CFI: variants seen among roughly 807,000 people sequenced by gnomAD.
The protein encoded by CFI is C3B/C4B inactivator.
CFI carries 66 observed loss-of-function variants against 78.8 expected under a neutral mutation model. That is an observed-to-expected ratio of 0.84 (90% CI 0.69 to 1.03). The LOEUF (loss-of-function observed/expected upper bound fraction) is 1.03, where lower values mean the gene tolerates loss of function less well. Among genes scored for constraint, CFI ranks in the 50% least tolerant of loss-of-function variants. The pLI, the probability that CFI is intolerant of heterozygous loss-of-function variation, is 0.00. For synonymous variants in CFI, 250 were observed against 232.6 expected, an observed-to-expected ratio of 1.07 and a Z score of -0.68; for missense variants, 706 against 704.5, an observed-to-expected ratio of 1.00 and a Z score of -0.02.
intron 1 of CFI, among the ~76,000 whole-genome samples, chr4:109,792,072 T>G (rs1203955869): frequency 1.3e-5 from 2 of 152,168 alleles, no homozygotes; most frequent in Non-Finnish European, 2.9e-5. Flanking sequence ...TTAAGACTCA[T>G]TTTGTGACAA....
chr4:109,778,226 A>G (rs1464081459), intron 1 of CFI, among the ~76,000 whole-genome samples: 2 of 152,108 alleles, frequency 1.3e-5, no homozygotes, highest in East Asian at 3.8e-4. Context: ...CAAAATTGCT[A>G]GACTGCTAGC....
chr4:109,750,169 G>GT (rs1218819422), intron 8 of CFI, among the ~76,000 whole-genome samples: 5 of 151,630 alleles, frequency 3.3e-5, no homozygotes, highest in East Asian at 3.9e-4. Context: ...GCTAATTTTT[G>GT]TTTTTTTAGT....
chr4:109,744,677 C>A (rs766836938), intron 11 of CFI, among the ~76,000 whole-genome samples: 1 of 152,124 alleles, frequency 6.6e-6, no homozygotes, highest in Non-Finnish European at 1.5e-5. Context: ...TGGGTACCTG[C>A]GTAGCCCCTG....
intron 7 of CFI, among the ~76,000 whole-genome samples, chr4:109,752,835 C>T (rs542635854): frequency 2.1e-5 from 3 of 140,794 alleles, no homozygotes; most frequent in Non-Finnish European, 4.5e-5. Context: ...GCTTCTATTT[C>T]AACTCTCTGC....
intron 1 of CFI, among the ~76,000 whole-genome samples, chr4:109,775,141 C>G (rs1481051141): frequency 6.6e-6 from 1 of 152,088 alleles, no homozygotes; most frequent in East Asian, 1.9e-4. Flanking sequence ...ACTAAGGTAC[C>G]AAGTTCATCT....
chr4:109,750,313 G>A (rs1014019421), intron 8 of CFI, among the ~76,000 whole-genome samples: 2 of 152,044 alleles, frequency 1.3e-5, no homozygotes, highest in Non-Finnish European at 2.9e-5. Context: ...TTATTTTCTA[G>A]AGGCTGTTTA....
intron 1 of CFI, among the ~76,000 whole-genome samples, chr4:109,796,234 C>T (rs561276335): frequency 2.8e-4 from 42 of 152,032 alleles, no homozygotes; most frequent in African/African-American, 6.3e-4. Flanking sequence ...AGTGTCATAA[C>T]GAAGAAACAA....
At chr4:109,736,915 G>A (rs1172739819), downstream of CFI, among the ~76,000 whole-genome samples, 1 of 151,888 alleles carries the variant, frequency 6.6e-6, no homozygotes, top group Non-Finnish European at 1.5e-5. Flanking sequence ...CTTCCTTTCT[G>A]TACTCAGTGG....
At chr4:109,782,460 C>A (rs1730178530) in intron 1 of CFI, among the ~76,000 whole-genome samples, 1 of 147,496 alleles carries the variant, frequency 6.8e-6, no homozygotes, top group African/African-American at 2.5e-5. Flanking sequence ...TAGGAATATA[C>A]CTAACCAAGG....
intron 1 of CFI, among the ~76,000 whole-genome samples, chr4:109,784,787 G>A (rs1294979513): frequency 6.6e-6 from 1 of 152,016 alleles, no homozygotes; most frequent in African/African-American, 2.4e-5. Flanking sequence ...TATTTACTGT[G>A]CATGTTGCTC....
chr4:109,757,696 A>G (rs1028452386), intron 7 of CFI, 67 bp downstream of exon 7: 29 of 1,045,978 alleles, frequency 2.8e-5, no homozygotes, highest in Non-Finnish European at 3.9e-5. Context: ...ACATTAAAAT[A>G]TAAGACCAAA....
intron 1 of CFI, among the ~76,000 whole-genome samples, chr4:109,797,730 G>C (rs1254150609): frequency 3.3e-5 from 5 of 152,100 alleles, no homozygotes; most frequent in Non-Finnish European, 4.4e-5. Context: ...GAACCAAATA[G>C]TCTACTTTAA....
intron 1 of CFI, among the ~76,000 whole-genome samples, chr4:109,785,091 A>C (rs4629448): frequency 0.35 from 53,028 of 151,836 alleles, 9,590 homozygotes; most frequent in East Asian, 0.44. Flanking sequence ...CCCTGCCCAC[A>C]AATTGCTCCT....
intron 11 of CFI, 44 bp from the exon 12 acceptor site, chr4:109,742,639 A>G (rs1161830668): frequency 8.7e-7 from 1 of 1,151,508 alleles, no homozygotes; most frequent in Non-Finnish European, 1.3e-6. Context: ...CACAAATGAG[A>G]AATCTAAATA....
intron 12 of CFI, chr4:109,741,334 TC>T (rs1411793677): frequency 1.0e-6 from 1 of 985,316 alleles, no homozygotes; most frequent in Non-Finnish European, 1.2e-6. Flanking sequence ...AGCATGTTCT[TC>T]CTGTGTTCTC....
At chr4:109,798,978 C>A (rs754516928) in intron 1 of CFI, among the ~76,000 whole-genome samples, 2 of 152,020 alleles carry the variant, frequency 1.3e-5, no homozygotes, top group Non-Finnish European at 2.9e-5. Context: ...CTGTCCTGGG[C>A]ACTCACTCAT....
In CFI at chr4:109,743,070, G is replaced by A. The variant is rs566637219; in HGVS notation, c.1430-475C>T. Among the ~76,000 whole-genome samples the A allele has an allele frequency of 1.7e-3, 257 of 152,264 alleles. 3 individuals are homozygous for A. The highest frequency in any genetic ancestry group is 5.9e-3 in the African/African-American group (247 of 41,546). On this transcript the variant is annotated intron_variant, in intron 11 of 12. Transcript: ENST00000394634. ...TTGTGTGTTTTTGTGTGTCTGAGAA[G>A]AAAAATCCATCTCCTAAGTGATTTG...
rs1350073326 is a variant in CFI, at chr4:109,742,272, G to T, written c.1534+219C>A. On this transcript the variant is annotated intron_variant, in intron 12 of 12. Transcript: ENST00000394634. ...GCCGTGCTCTTAGTCACCTTGCTGT[G>T]CTGCTATAGAATCGCTTAAGGAGGA... 5.6e-6 allele frequency: 3 copies of T among 538,002 alleles called. No individual in the cohort carries two copies. In the African/African-American group the frequency reaches 5.7e-5, roughly 10 times the overall value. 33.3% of individuals were successfully genotyped at this position (538,002 alleles called of 1,614,324 possible).
At chr4:109,734,129 G>A in the CFI span, among the ~76,000 whole-genome samples, 3 of 152,096 alleles carry the variant, frequency 2.0e-5, no homozygotes, top group Non-Finnish European at 4.4e-5. Context: ...CCAAGATTGC[G>A]CTATTGCACT....
Sources: allele counts gnomAD v4.1 joint callset (sites outside exome capture counted in the v4.1 genomes callset), GRCh38; gene constraint gnomAD v4.1.1; transcripts MANE v1.5; gene names NCBI Gene and HGNC (gene_info 2026-07-23, HGNC 2026-07-21).